Variants in ANK2 observed in about 807,000 individuals in gnomAD.
ANK2 encodes ankyrin 2.
A neutral mutation model predicts 360.5 loss-of-function variants in ANK2; 83 were observed. That is an observed-to-expected ratio of 0.23 (90% CI 0.19 to 0.28). ANK2 has a LOEUF of 0.28. Among genes scored for constraint, ANK2 ranks in the 10% least tolerant of loss-of-function variants. ANK2 has a pLI of 1.00. For missense variants in ANK2, 4,201 were observed against 4,795.7 expected, an observed-to-expected ratio of 0.88 and a Z score of 3.66; for synonymous variants, 1,740 against 1,759.5, an observed-to-expected ratio of 0.99 and a Z score of 0.28.
At chr4:112,866,272 G>A (rs2070491689) in intron 1 of ANK2, among the ~76,000 whole-genome samples, 1 of 152,148 alleles carries the variant, frequency 6.6e-6, no homozygotes, top group Non-Finnish European at 1.5e-5. Context: ...TACAATGGGT[G>A]CTGCTTATCA....
intron 1 of ANK2, among the ~76,000 whole-genome samples, chr4:112,832,071 C>G (rs1401471098): frequency 6.6e-6 from 1 of 152,180 alleles, no homozygotes; most frequent in Non-Finnish European, 1.5e-5. Context: ...ATTCCGGACA[C>G]AAGATGGTCT....
chr4:112,873,599 T>C lies in ANK2; in HGVS notation c.-39-30856T>C, dbSNP rs187498291. Among the ~76,000 whole-genome samples, 1,504 of 150,970 alleles carry C rather than the reference T, an allele frequency of 1.0e-2. 15 individuals carry two copies. The highest frequency in any genetic ancestry group is 0.025 in the African/African-American group (1,051 of 41,256). On this transcript the variant is annotated intron_variant, in intron 1 of 30. Transcript: ENST00000503271. Reference sequence around the variant, plus strand: ...TTGCCCAGGCTGGAGTGCAGTGGCGTGATCTTGGCTCACTGCAAGCTCCGC... The same window carrying C: ...TTGCCCAGGCTGGAGTGCAGTGGCGCGATCTTGGCTCACTGCAAGCTCCGC...
intron 1 of ANK2, among the ~76,000 whole-genome samples, chr4:113,107,915 G>T (rs1469596432): frequency 1.3e-5 from 2 of 152,090 alleles, no homozygotes; most frequent in African/African-American, 4.8e-5. Flanking sequence ...ACCACATAAA[G>T]AAGCTTTATT....
intron 21 of ANK2, among the ~76,000 whole-genome samples, chr4:113,292,826 T>A (rs572455564): frequency 6.6e-6 from 1 of 152,198 alleles, no homozygotes; most frequent in South Asian, 2.1e-4. Context: ...TGACCCCCCC[T>A]CGCCTTCTTA....
At chr4:112,717,781 T>G in the ANK2 span, among the ~76,000 whole-genome samples, 1 of 125,676 alleles carries the variant, frequency 8.0e-6, no homozygotes, top group African/African-American at 2.8e-5. Flanking sequence ...ATATTTACTT[T>G]AAAAAAAAAA....
At chr4:113,015,599 A>G (rs1189497432) in intron 2 of ANK2, among the ~76,000 whole-genome samples, 2 of 152,198 alleles carry the variant, frequency 1.3e-5, no homozygotes, top group African/African-American at 2.4e-5. Context: ...AACGAAAAAT[A>G]TATGGGTTGT....
chr4:113,157,943 A>C (rs1472896700), intron 1 of ANK2, among the ~76,000 whole-genome samples: 1 of 152,246 alleles, frequency 6.6e-6, no homozygotes, highest in Non-Finnish European at 1.5e-5. Context: ...GGAATATAGT[A>C]AAGTTAGCTA....
intron 2 of ANK2, among the ~76,000 whole-genome samples, chr4:112,907,923 A>G (rs1418049491): frequency 6.6e-6 from 1 of 152,142 alleles, no homozygotes; most frequent in Non-Finnish European, 1.5e-5. Context: ...GTTCTTCGTT[A>G]TCCTCAAAGG....
intron 1 of ANK2, among the ~76,000 whole-genome samples, chr4:113,110,914 A>G (rs1364944976): frequency 6.6e-6 from 1 of 152,086 alleles, no homozygotes; most frequent in African/African-American, 2.4e-5. Context: ...GTTGATTTGG[A>G]TGTGCTCTAA....
the ANK2 span, among the ~76,000 whole-genome samples, chr4:112,747,397 A>T: frequency 6.6e-6 from 1 of 152,238 alleles, no homozygotes; most frequent in African/African-American, 2.4e-5. Context: ...TAAATGTAAA[A>T]ATCACATTCA....
At chr4:112,880,795 T>A (rs1235896655) in intron 1 of ANK2, 3 of 152,194 alleles carry the variant, frequency 2.0e-5, no homozygotes, top group African/African-American at 7.2e-5. Flanking sequence ...TCCTTATAAA[T>A]CCCTCAGAGA....
At chr4:113,352,543 A>G (rs1375456742) in intron 37 of ANK2, among the ~76,000 whole-genome samples, 2 of 152,204 alleles carry the variant, frequency 1.3e-5, no homozygotes, top group African/African-American at 4.8e-5. Flanking sequence ...TATATACATC[A>G]TTAGATGTTA....
At chr4:112,903,861 C>A (rs1484396210) in intron 1 of ANK2, among the ~76,000 whole-genome samples, 1 of 152,128 alleles carries the variant, frequency 6.6e-6, no homozygotes, top group Non-Finnish European at 1.5e-5. Flanking sequence ...GTTTTTCTTA[C>A]CTGTAAAGGA....
the ANK2 span, among the ~76,000 whole-genome samples, chr4:112,754,791 A>G: frequency 3.9e-3 from 590 of 152,290 alleles, 5 homozygotes; most frequent in African/African-American, 0.013. Flanking sequence ...GTGAGGCAGT[A>G]GAAGGGAGAG....
chr4:112,761,615 G>A, the ANK2 span, among the ~76,000 whole-genome samples: 1 of 151,992 alleles, frequency 6.6e-6, no homozygotes, highest in African/African-American at 2.4e-5. Flanking sequence ...GTGAGACTCC[G>A]TCTCAAAAAT....
chr4:113,263,187 G>GAAAAAAAAAAAAAAAAAAAAAA (rs762758720), intron 13 of ANK2, among the ~76,000 whole-genome samples: 1 of 63,626 alleles, frequency 1.6e-5, no homozygotes, highest in Non-Finnish European at 3.1e-5. Flanking sequence ...GACTCTGTCT[G>GAAAAAAAAAAAAAAAAAAAAAA]AAAAAAAAAA....
At chr4:112,842,357 A>G (rs1242267560) in intron 1 of ANK2, among the ~76,000 whole-genome samples, 1 of 152,244 alleles carries the variant, frequency 6.6e-6, no homozygotes, top group African/African-American at 2.4e-5. Context: ...TCTTAAAATA[A>G]CATTCCCACT....
rs569796748 is a variant in ANK2, at chr4:113,008,009, C to T, written c.21+103495C>T. Among the ~76,000 whole-genome samples the T allele has an allele frequency of 2.0e-4, 31 of 152,206 alleles. No individual in the cohort carries two copies. In the South Asian group the frequency reaches 2.1e-3, roughly 10 times the overall value. The stretch of plus-strand genomic sequence containing the variant: ...TCTTGCCACAACAGCATACACTTTT[C>T]TCCTTGGAGCCATCATCCTGTAGTG... On this transcript the variant is annotated intron_variant, in intron 2 of 30. Coordinates refer to the ANK2 transcript ENST00000503271.
chr4:113,084,450 G>A (rs145377376), intron 1 of ANK2, among the ~76,000 whole-genome samples: 1,919 of 152,272 alleles, frequency 0.013, 26 homozygotes, highest in Non-Finnish European at 0.021. Context: ...AAATGGAAAC[G>A]AAACGCGATT....
Sources: gnomAD v4.1 joint callset for allele counts (sites outside exome capture counted in the v4.1 genomes callset) on GRCh38, gnomAD v4.1.1 for gene constraint, MANE v1.5 for transcripts, NCBI Gene and HGNC (gene_info 2026-07-23, HGNC 2026-07-21) for gene names.